The following CBR3 variants were observed in gnomAD, a reference collection of about 807,000 sequenced individuals.
CBR3 encodes carbonyl reductase [NADPH] 3.
A neutral mutation model predicts 11.6 loss-of-function variants in CBR3; 14 were observed. The observed-to-expected ratio is 1.20, with a 90% CI of 0.79 to 1.88. The LOEUF is 1.88. Ranked by LOEUF, CBR3 falls within the 40% of genes most tolerant of loss-of-function variation. CBR3 has a pLI of 0.00. For synonymous variants in CBR3, 125 were observed against 145.6 expected, an observed-to-expected ratio of 0.86 and a Z score of 1.02; for missense variants, 308 against 357.3, an observed-to-expected ratio of 0.86 and a Z score of 1.11.
intron 1 of CBR3, 56 bp downstream of exon 1, chr21:36,135,537 G>A: frequency 6.8e-7 from 1 of 1,480,036 alleles, no homozygotes; most frequent in Admixed American, 2.2e-5. Flanking sequence ...TGCGGAGGTG[G>A]CCAGCCGCAG....
chr21:36,137,800 TTTTG>T (rs1412419065), intron 1 of CBR3, 21 bp from the exon 2 acceptor site: 2 of 1,375,208 alleles, frequency 1.5e-6, no homozygotes, highest in Non-Finnish European at 2.1e-6. Context: ...ATGACTTTCT[TTTTG>T]TTTCTTTCTC....
At chr21:36,144,883 C>A in intron 2 of CBR3, 1 of 152,450 alleles carries the variant, frequency 6.6e-6, no homozygotes, top group Non-Finnish European at 1.5e-5. Context: ...GTGGGCAGAT[C>A]ACTTCAGGTC....
At chr21:36,138,568 C>T (rs1488390578) in intron 2 of CBR3, 1 of 152,298 alleles carries the variant, frequency 6.6e-6, no homozygotes, top group Non-Finnish European at 1.5e-5. Flanking sequence ...TGCCTCTGGT[C>T]AATCTCATGA....
chr21:36,135,438 G>A lies in CBR3; in HGVS notation c.246G>A (p.Gly82=), dbSNP rs761213324. The A allele has an allele frequency of 1.9e-6, 3 of 1,613,640 alleles. No homozygotes were observed. The highest frequency in any genetic ancestry group is 2.5e-6 in the Non-Finnish European group (3 of 1,179,768). Residue 82 remains glycine (G), a synonymous_variant, in exon 1 of 3, where the codon GGG becomes GGA. Coordinates refer to ENST00000290354, the MANE Select transcript of CBR3 (RefSeq NM_001236.4). ...GCGACTTCCTGCGCAAGGAGTACGG[G>A]GGGCTCAACGTACTGGTCAACAACG... ...ALRDFLRKEY[G]GLNVLVNNAA...
chr21:36,145,834 G>A (rs984974390), intron 2 of CBR3, among the ~76,000 whole-genome samples: 2 of 151,924 alleles, frequency 1.3e-5, no homozygotes, highest in Admixed American at 6.6e-5. Context: ...GGTGGCTCAC[G>A]CCTGTAATTC....
intron 1 of CBR3, among the ~76,000 whole-genome samples, chr21:36,136,365 A>G (rs1233349596): frequency 6.6e-6 from 1 of 151,120 alleles, no homozygotes; most frequent in Non-Finnish European, 1.5e-5. Flanking sequence ...CCTCCAACCT[A>G]GTGGGGAAAA....
chr21:36,136,170 CAGG>C (rs2065658553), intron 1 of CBR3, among the ~76,000 whole-genome samples: 1 of 151,996 alleles, frequency 6.6e-6, no homozygotes, highest in Non-Finnish European at 1.5e-5. Flanking sequence ...AAGAAAATTA[CAGG>C]AGGGCGCAGT....
intron 2 of CBR3, chr21:36,141,717 G>T (rs1482215091): frequency 6.5e-6 from 1 of 153,716 alleles, no homozygotes; most frequent in East Asian, 1.9e-4. Context: ...CTCAGTGGAG[G>T]GTGGTGTGGG....
chr21:36,142,780 G>A (rs866640233), intron 2 of CBR3, among the ~76,000 whole-genome samples: 4 of 152,146 alleles, frequency 2.6e-5, no homozygotes, highest in Admixed American at 6.6e-5. Context: ...AACTATTCTT[G>A]TAACTTCTCT....
intron 1 of CBR3, 28 bp downstream of exon 1, chr21:36,135,509 C>A (rs773933523): frequency 1.9e-6 from 3 of 1,570,518 alleles, no homozygotes; most frequent in Non-Finnish European, 2.6e-6. Flanking sequence ...GTTGGGGCCC[C>A]CTGGAGCGCT....
intron 2 of CBR3, 114 bp downstream of exon 2, chr21:36,138,046 G>A (rs1187629182): frequency 4.7e-6 from 3 of 639,102 alleles, no homozygotes; most frequent in Non-Finnish European, 8.6e-6. Flanking sequence ...TTCTCTGAAG[G>A]GGGAAAAATA....
At chr21:36,145,410 G>A (rs1359407494) in intron 2 of CBR3, among the ~76,000 whole-genome samples, 2 of 152,028 alleles carry the variant, frequency 1.3e-5, no homozygotes, top group African/African-American at 4.8e-5. Context: ...TGTGATCATG[G>A]CTCACTGCAA....
chr21:36,143,556 A>G (rs1406620589), intron 2 of CBR3, among the ~76,000 whole-genome samples: 1 of 152,082 alleles, frequency 6.6e-6, no homozygotes, highest in Non-Finnish European at 1.5e-5. Context: ...AATTTAATGA[A>G]TATTAATATT....
At chr21:36,138,987 C>T (rs1202292493) in intron 2 of CBR3, 1 of 152,154 alleles carries the variant, frequency 6.6e-6, no homozygotes, top group East Asian at 1.9e-4. Context: ...TCAAGTGATC[C>T]ACCCACCTCT....
chr21:36,139,102 T>G (rs907353463), intron 2 of CBR3, among the ~76,000 whole-genome samples: 2 of 152,148 alleles, frequency 1.3e-5, no homozygotes, highest in African/African-American at 4.8e-5. Flanking sequence ...TCAATAAATG[T>G]TACTATTATA....
chr21:36,139,605 C>T (rs1278635606), intron 2 of CBR3, among the ~76,000 whole-genome samples: 1 of 152,044 alleles, frequency 6.6e-6, no homozygotes, highest in Non-Finnish European at 1.5e-5. Context: ...TGGTCTCGAA[C>T]TCCTGACCTC....
Position 36,135,274 on chromosome 21 carries a change from C to G in CBR3, c.82C>G (p.Gln28Glu). 1 of 1,605,748 alleles carries G rather than the reference C, an allele frequency of 6.2e-7. No individual in the cohort carries two copies. The highest frequency in any genetic ancestry group is 8.5e-7 in the Non-Finnish European group (1 of 1,177,022). Residue 28 changes from glutamine (Q) to glutamate (E), a missense_variant, in exon 1 of 3, where the codon CAG becomes GAG. Coordinates refer to ENST00000290354, the MANE Select transcript of CBR3 (RefSeq NM_001236.4). ...GLAIARELCR[Q>E]FSGDVVLTAR... The stretch of plus-strand genomic sequence containing the variant: ...GGCCATCGCGCGCGAACTGTGCCGA[C>G]AGTTCTCTGGGGATGTGGTGCTCAC...
rs758613167 is a variant in CBR3, at chr21:36,146,494, AGT to A, written c.817_818del (p.Val273CysfsTer?). The A allele has an allele frequency of 4.4e-5, 70 of 1,601,778 alleles. No individual in the cohort carries two copies. The East Asian group carries it at 1.5e-3, about 34-fold the overall frequency. On this transcript the variant is annotated frameshift_variant, in exon 3 of 3. Coordinates refer to ENST00000290354, the MANE Select transcript of CBR3 (RefSeq NM_001236.4). LOFTEE classifies it high-confidence loss of function. ...EPQGQLVHDK[V>X]VQNW ...CACAAGGCCAGTTGGTCCATGACAA[AGT>A]TGTGCAAAACTGGTAAACGTCTGCT...
Position 36,140,257 on chromosome 21 carries a change from G to T in CBR3, c.397+2325G>T, listed in dbSNP as rs192090438. On this transcript the variant is annotated intron_variant, in intron 2 of 2. Transcript: ENST00000290354. Reference sequence around the variant, plus strand: ...CTTGTACTCTGTCAGTTTCTGAGTGGGATGAGATCATAGAAAGCCTGCAGG... The same window carrying T: ...CTTGTACTCTGTCAGTTTCTGAGTGTGATGAGATCATAGAAAGCCTGCAGG... Among the ~76,000 whole-genome samples the T allele has an allele frequency of 3.4e-3, 515 of 152,066 alleles. 2 individuals carry two copies. The highest frequency in any genetic ancestry group is 0.014 in the South Asian group (67 of 4,824).
Sources: gnomAD v4.1 joint callset for allele counts (sites outside exome capture counted in the v4.1 genomes callset) on GRCh38, gnomAD v4.1.1 for gene constraint, MANE v1.5 for transcripts, NCBI Gene and HGNC (gene_info 2026-07-23, HGNC 2026-07-21) for gene names.